The following RAPGEF1 variants were observed in gnomAD, a reference collection of about 807,000 sequenced individuals.
The protein encoded by RAPGEF1 is CRK SH3-binding GNRP.
RAPGEF1 carries 33 observed loss-of-function variants against 143.3 expected under a neutral mutation model. The observed-to-expected ratio is 0.23, with a 90% CI of 0.17 to 0.31. RAPGEF1 has a LOEUF of 0.31. Ranked by LOEUF, RAPGEF1 falls within the 10% of genes least tolerant of loss-of-function variation. The pLI, the probability that RAPGEF1 is intolerant of heterozygous loss-of-function variation, is 1.00. For missense variants in RAPGEF1, 1,199 were observed against 1,645.4 expected (o/e 0.73, Z 4.69); for synonymous variants, 629 against 676.5 (o/e 0.93, Z 1.09).
chr9:131,608,213 A>G (rs1340347866), intron 12 of RAPGEF1, among the ~76,000 whole-genome samples: 2 of 152,208 alleles, frequency 1.3e-5, no homozygotes, highest in Admixed American at 1.3e-4. Flanking sequence ...AGTCCTCCGC[A>G]TGGTGCTGGT....
chr9:131,659,345 T>G (rs1973371604), intron 1 of RAPGEF1, among the ~76,000 whole-genome samples: 1 of 152,012 alleles, frequency 6.6e-6, no homozygotes, highest in African/African-American at 2.4e-5. Flanking sequence ...TTAAATCTAT[T>G]TATTTATTTT....
chr9:131,621,959 G>A lies in RAPGEF1; in HGVS notation c.1742C>T (p.Pro581Leu), dbSNP rs1961208747. The part of the protein sequence containing the change: ...YMQLLEDYSE[P>L]QPSMFYQTPQ... ...CGTCTGGTAGAACATAGAGGGCTGC[G>A]GCTCCGAGTAGTCCTCCAGCAACTG... is the stretch of plus-strand genomic sequence containing the variant. The change falls in exon 11 of 27, where the codon CCG becomes CTG. Residue 581 changes from proline to leucine, a missense_variant. Coordinates refer to ENST00000683357, the MANE Select transcript of RAPGEF1 (RefSeq NM_001377935.1). The surrounding 1 kb of genome is among the most constrained non-coding windows in gnomAD (Gnocchi z 4.5). The A allele has an allele frequency of 1.2e-6, 2 of 1,613,612 alleles. No individual in the cohort carries two copies. Among genetic ancestry groups the A allele is most frequent in the Non-Finnish European group, 1.7e-6 (2 of 1,179,742 alleles).
intron 1 of RAPGEF1, chr9:131,737,311 GGTA>G (rs1837482337): frequency 1.7e-5 from 27 of 1,590,396 alleles, no homozygotes; most frequent in Non-Finnish European, 1.9e-5. Flanking sequence ...GTCTCCACCA[GGTA>G]TATATCTCAG....
intron 1 of RAPGEF1, among the ~76,000 whole-genome samples, chr9:131,689,369 A>G (rs1442354788): frequency 6.6e-6 from 1 of 152,148 alleles, no homozygotes; most frequent in African/African-American, 2.4e-5. Flanking sequence ...TGATCAATAT[A>G]CTAATGCGAC....
At chr9:131,676,144 T>C (rs1302340827) in intron 1 of RAPGEF1, among the ~76,000 whole-genome samples, 1 of 151,984 alleles carries the variant, frequency 6.6e-6, no homozygotes, top group Non-Finnish European at 1.5e-5. Flanking sequence ...AACAGTGCAA[T>C]GGAAAGGATG....
chr9:131,724,631 G>A (rs1278440547), intron 1 of RAPGEF1, among the ~76,000 whole-genome samples: 1 of 152,086 alleles, frequency 6.6e-6, no homozygotes, highest in East Asian at 1.9e-4. Flanking sequence ...TGAAACACCA[G>A]GATTGTTATT....
chr9:131,589,866 C>A lies in RAPGEF1; in HGVS notation c.2867+20G>T. ...TTGCCTCCCCACTGGCCCCCAGGAC[C>A]CCAAGGGTGAAGCACTCACCAGAGC... is the stretch of plus-strand genomic sequence containing the variant. On this transcript the variant is annotated intron_variant, in intron 19 of 26. Transcript: ENST00000683357. 6.2e-7 allele frequency: 1 copy of A among 1,608,840 alleles called. No homozygotes were observed. The highest frequency in any genetic ancestry group is 8.5e-7 in the Non-Finnish European group (1 of 1,175,294).
chr9:131,607,639 T>C lies in RAPGEF1; in HGVS notation c.2062-2451A>G, dbSNP rs140999223. On this transcript the variant is annotated intron_variant, in intron 12 of 26. Coordinates refer to ENST00000683357, the MANE Select transcript of RAPGEF1 (RefSeq NM_001377935.1). Reference sequence around the variant, plus strand: ...CTGTTTCAGGGAGTGGCTCAATCTTTTGTAGCCCCAATTCTCAGATCTGCC... The same window carrying C: ...CTGTTTCAGGGAGTGGCTCAATCTTCTGTAGCCCCAATTCTCAGATCTGCC... Among the ~76,000 whole-genome samples the C allele has an allele frequency of 5.2e-3, 785 of 152,256 alleles. 5 individuals are homozygous for C. The highest frequency in any genetic ancestry group is 6.9e-3 in the African/African-American group (286 of 41,556).
At chr9:131,625,781 A>G in intron 10 of RAPGEF1, 141 bp downstream of exon 10, 1 of 1,141,316 alleles carries the variant, frequency 8.8e-7, no homozygotes, top group Non-Finnish European at 1.2e-6. Flanking sequence ...TGGCTCCCAG[A>G]AGTGTCCACA....
At chr9:131,685,941 A>G (rs1833312872) in intron 1 of RAPGEF1, among the ~76,000 whole-genome samples, 1 of 152,222 alleles carries the variant, frequency 6.6e-6, no homozygotes, top group Non-Finnish European at 1.5e-5. Flanking sequence ...CAATTTAGTC[A>G]GAGCATATGA....
At chr9:131,632,640 T>C (rs750230878) in intron 5 of RAPGEF1, among the ~76,000 whole-genome samples, 2 of 152,188 alleles carry the variant, frequency 1.3e-5, no homozygotes, top group Non-Finnish European at 2.9e-5. Context: ...GGGCTGACCA[T>C]TACGTTGTTA....
chr9:131,675,576 T>C lies in RAPGEF1; in HGVS notation c.62-24627A>G, dbSNP rs1415032531. 6.6e-6 allele frequency among the ~76,000 whole-genome samples: 1 copy of C among 152,092 alleles called. No individual in the cohort carries two copies. The highest frequency in any genetic ancestry group is 1.5e-5 in the Non-Finnish European group (1 of 68,002). ...TCCTGATGTCTAGATAAAAATGAAT[T>C]CCCCAACCATGTCTTACAGCAAATT... is the stretch of plus-strand genomic sequence containing the variant. On this transcript the variant is annotated intron_variant, in intron 1 of 26. Transcript: ENST00000683357. The surrounding 1 kb of genome is among the most constrained non-coding windows in gnomAD (Gnocchi z 4.6).
rs1967805067 is a variant in RAPGEF1, at chr9:131,641,050, T to C, written c.494+2189A>G. ...AATGGTTATAGACATTCAATGTCAA[T>C]TAAGAGCCACCCCTCAATAGACAAA... On this transcript the variant is annotated intron_variant, in intron 4 of 26. Coordinates refer to ENST00000683357, the MANE Select transcript of RAPGEF1 (RefSeq NM_001377935.1). The surrounding 1 kb of genome is among the most constrained non-coding windows in gnomAD (Gnocchi z 4.6). Among the ~76,000 whole-genome samples, 1 of 152,138 alleles carries C rather than the reference T, an allele frequency of 6.6e-6. No homozygotes were observed. Among genetic ancestry groups the C allele is most frequent in the Non-Finnish European group, 1.5e-5 (1 of 68,026 alleles).
chr9:131,717,781 G>A (rs1589093422), intron 1 of RAPGEF1, among the ~76,000 whole-genome samples: 2 of 106,964 alleles, frequency 1.9e-5, no homozygotes, highest in Admixed American at 9.3e-5. Flanking sequence ...AAAAAAAAAA[G>A]GCTACATTTA....
intron 1 of RAPGEF1, among the ~76,000 whole-genome samples, chr9:131,730,966 G>A (rs1489104318): frequency 6.6e-6 from 1 of 152,060 alleles, no homozygotes; most frequent in African/African-American, 2.4e-5. Flanking sequence ...AGGGGTCCCT[G>A]GAAACATGAA....
chr9:131,615,034 A>C (rs893492093), intron 12 of RAPGEF1, among the ~76,000 whole-genome samples: 11 of 152,336 alleles, frequency 7.2e-5, no homozygotes, highest in South Asian at 2.1e-4. Flanking sequence ...CAGTTAGCAA[A>C]GAAAGAACGT....
chr9:131,682,036 G>C (rs1832958361), intron 1 of RAPGEF1, among the ~76,000 whole-genome samples: 1 of 152,182 alleles, frequency 6.6e-6, no homozygotes, highest in Non-Finnish European at 1.5e-5. Context: ...GGCCTGTAAT[G>C]GTATCGGAAG....
intron 12 of RAPGEF1, among the ~76,000 whole-genome samples, chr9:131,606,237 T>C (rs1210107224): frequency 6.6e-6 from 1 of 152,224 alleles, no homozygotes; most frequent in Non-Finnish European, 1.5e-5. Context: ...GGGGCTCTGC[T>C]GCTGAAGGAG....
chr9:131,635,988 T>C (rs1295413126), intron 5 of RAPGEF1, among the ~76,000 whole-genome samples: 1 of 152,220 alleles, frequency 6.6e-6, no homozygotes, highest in African/African-American at 2.4e-5. Context: ...CTGTCTGTAA[T>C]GACTCCAGCA....
Sources: allele counts gnomAD v4.1 joint callset (sites outside exome capture counted in the v4.1 genomes callset), GRCh38; gene constraint gnomAD v4.1.1; non-coding constraint Gnocchi (gnomAD v3.1); transcripts MANE v1.5; gene names NCBI Gene and HGNC (gene_info 2026-07-23, HGNC 2026-07-21).